The following WASHC5 variants were observed in gnomAD, a reference collection of about 807,000 sequenced individuals.
WASHC5 encodes WASH complex subunit 5, also known as WASH complex subunit strumpellin.
Under a neutral mutation model 150.4 loss-of-function variants are expected in WASHC5, and 101 were observed. That is an observed-to-expected ratio of 0.67 (90% CI 0.57 to 0.79). The LOEUF (loss-of-function observed/expected upper bound fraction) is 0.79. Ranked by LOEUF, WASHC5 falls within the 30% of genes least tolerant of loss-of-function variation. The pLI is 0.00. For missense variants in WASHC5, 1,195 were observed against 1,396.3 expected, an observed-to-expected ratio of 0.86 and a Z score of 2.30; for synonymous variants, 467 against 491.2, an observed-to-expected ratio of 0.95 and a Z score of 0.65.
chr8:125,087,910 A>G (rs1488795893), intron 1 of WASHC5, among the ~76,000 whole-genome samples: 1 of 152,176 alleles, frequency 6.6e-6, no homozygotes, highest in African/African-American at 2.4e-5. Context: ...AATGAGCTTT[A>G]TATATTAGGC....
rs1563636568 is a variant in WASHC5 at position 125,082,387 on chromosome 8, A to C, written c.413T>G (p.Leu138Arg). 6.6e-7 allele frequency: 1 copy of C among 1,506,086 alleles called. No homozygotes were observed. The highest frequency in any genetic ancestry group is 9.2e-7 in the Non-Finnish European group (1 of 1,082,498). The allele number at this position is 1,506,086 out of a possible 1,614,324, so 93.3% of individuals were successfully genotyped here. A position where few individuals can be genotyped will look rare whatever the true frequency, so the allele number is the denominator to read the frequency against. ...TAAATAATCATTATTACTTACTAGA[A>C]GTTGTTTTCCATCTTCATTGAGAAG... ...TVLLNEDGKQ[L>R]LCEALYLYGV... Residue 138 changes from leucine to arginine, a missense_variant, in exon 4 of 29, where the codon CTT becomes CGT. By Grantham distance (102) the Leu-to-Arg change is moderately radical. Coordinates refer to ENST00000318410, the MANE Select transcript of WASHC5 (RefSeq NM_014846.4).
At position 125,039,916 on chromosome 8, in the gene WASHC5, A is replaced by G; in HGVS notation, c.2851-18T>C. On this transcript the variant is annotated intron_variant, in intron 23 of 28. Coordinates refer to ENST00000318410, the MANE Select transcript of WASHC5 (RefSeq NM_014846.4). ...TGCCCAACCTGTGCACAAGCAAGAG[A>G]AAGAACAGGTAGTGCATTCAAGCAT... The G allele has an allele frequency of 1.3e-6, 2 of 1,550,146 alleles. No homozygotes were observed. The highest frequency in any genetic ancestry group is 1.8e-6 in the Non-Finnish European group (2 of 1,123,616).
chr8:125,082,867 G>C, intron 3 of WASHC5: 1 of 407,004 alleles, frequency 2.5e-6, no homozygotes, highest in East Asian at 4.5e-5. Flanking sequence ...ATAAATAACA[G>C]GATTGGAAAC....
intron 27 of WASHC5, among the ~76,000 whole-genome samples, chr8:125,029,675 A>G (rs940357739): frequency 6.6e-6 from 1 of 152,208 alleles, no homozygotes; most frequent in Non-Finnish European, 1.5e-5. Flanking sequence ...ACTGTTCCAG[A>G]GCTGGGAATA....
At chr8:125,072,943 C>T (rs1181365053) in intron 9 of WASHC5, among the ~76,000 whole-genome samples, 1 of 152,084 alleles carries the variant, frequency 6.6e-6, no homozygotes, top group African/African-American at 2.4e-5. Context: ...CCTCTTATTC[C>T]CTAGCACCTA....
At chr8:125,032,175 T>A in intron 27 of WASHC5, 66 bp downstream of exon 27, 1 of 1,556,494 alleles carries the variant, frequency 6.4e-7, no homozygotes, top group Non-Finnish European at 8.9e-7. Flanking sequence ...AGGAATTTGG[T>A]AATGTGAGGT....
At chr8:125,061,057 C>T (rs374784545) in intron 12 of WASHC5, 25 bp downstream of exon 12, 1 of 1,325,866 alleles carries the variant, frequency 7.5e-7, no homozygotes, top group African/African-American at 1.4e-5. Context: ...ATCCAAGAAC[C>T]TGCATTTAAA....
chr8:125,053,462 T>C (rs1163080982), intron 17 of WASHC5, among the ~76,000 whole-genome samples: 2 of 152,210 alleles, frequency 1.3e-5, no homozygotes, highest in Non-Finnish European at 2.9e-5. Flanking sequence ...TTTTATTACA[T>C]CCTTCTTACA....
intron 5 of WASHC5, among the ~76,000 whole-genome samples, chr8:125,080,646 A>C (rs1817228047): frequency 6.6e-6 from 1 of 152,188 alleles, no homozygotes; most frequent in Admixed American, 6.5e-5. Context: ...CTGAATCTTG[A>C]CTATCTCCGA....
At chr8:125,071,610 C>G (rs1816897425) in intron 9 of WASHC5, among the ~76,000 whole-genome samples, 1 of 152,192 alleles carries the variant, frequency 6.6e-6, no homozygotes, top group Non-Finnish European at 1.5e-5. Context: ...ATGGGGTTTC[C>G]TGACCTCCTC....
chr8:125,032,588 G>A (rs947879328), intron 26 of WASHC5, 194 bp from the exon 27 acceptor site: 16 of 639,062 alleles, frequency 2.5e-5, no homozygotes, highest in South Asian at 7.2e-5. Flanking sequence ...GGGTCTGAAG[G>A]ATTCAAAACC....
chr8:125,087,067 T>C (rs555315113), intron 1 of WASHC5, among the ~76,000 whole-genome samples: 140 of 152,340 alleles, frequency 9.2e-4, no homozygotes, highest in African/African-American at 3.1e-3. Context: ...TTTAACATAT[T>C]GTATTGTTTT....
In WASHC5 at chr8:125,037,353, A is replaced by C; in HGVS notation, c.3085-20T>G. 3 of 1,367,734 alleles carry C rather than the reference A, an allele frequency of 2.2e-6. No homozygotes were observed. The allele number at this position is 1,367,734 out of a possible 1,614,324, so 84.7% of individuals were successfully genotyped here. ...GTATATCTGGAAAGAGAAAGGTAAGAAAAATAGATGGTTAAATCACATTGC... is the reference window on the plus strand; with the variant it reads ...GTATATCTGGAAAGAGAAAGGTAAGCAAAATAGATGGTTAAATCACATTGC... On this transcript the variant is annotated intron_variant, in intron 25 of 28. Transcript: ENST00000318410.
chr8:125,082,994 C>T (rs1817315896), intron 3 of WASHC5, 119 bp downstream of exon 3: 4 of 684,108 alleles, frequency 5.8e-6, no homozygotes, highest in South Asian at 1.9e-5. Flanking sequence ...CAACTATATA[C>T]AGTATAAACT....
At chr8:125,088,424 CAA>C (rs35452643) in intron 1 of WASHC5, among the ~76,000 whole-genome samples, 10 of 76,914 alleles carry the variant, frequency 1.3e-4, no homozygotes, top group Admixed American at 4.7e-4. Context: ...GACTTCATCT[CAA>C]AAAAAAAAAA....
intron 6 of WASHC5, among the ~76,000 whole-genome samples, chr8:125,078,288 C>T (rs536327583): frequency 6.6e-6 from 1 of 152,228 alleles, no homozygotes; most frequent in African/African-American, 2.4e-5. Context: ...TGTGACCTTG[C>T]TGCCACTGCT....
chr8:125,050,498 T>C lies in WASHC5; in HGVS notation c.2199+66A>G. ...GGTCTTGTTCGCGATAGGTTAAAAATGGCATTCTAGTCCATGCTGCAAGCT... is the reference window on the plus strand; with the variant it reads ...GGTCTTGTTCGCGATAGGTTAAAAACGGCATTCTAGTCCATGCTGCAAGCT... On this transcript the variant is annotated intron_variant, in intron 18 of 28. Coordinates refer to ENST00000318410, the MANE Select transcript of WASHC5 (RefSeq NM_014846.4). 8 of 1,091,106 alleles carry C rather than the reference T, an allele frequency of 7.3e-6. No individual in the cohort carries two copies. The Middle Eastern group carries it at 6.7e-4, about 92-fold the overall frequency. 67.6% of individuals were successfully genotyped at this position (1,091,106 alleles called of 1,614,324 possible).
intron 2 of WASHC5, 65 bp downstream of exon 2, chr8:125,083,648 G>A: frequency 1.5e-6 from 2 of 1,290,396 alleles, no homozygotes; most frequent in Non-Finnish European, 2.2e-6. Context: ...AGAGTTTCAT[G>A]GTTCCCAGAG....
chr8:125,063,402 T>G lies in WASHC5; in HGVS notation c.1408+120A>C, dbSNP rs80232838. 6,499 of 1,104,526 alleles carry G rather than the reference T, an allele frequency of 5.9e-3. 269 individuals carry two copies. In the African/African-American group the frequency reaches 0.09, roughly 15 times the overall value. The allele number at this position is 1,104,526 out of a possible 1,614,324, so 68.4% of individuals were successfully genotyped here. On this transcript the variant is annotated intron_variant, in intron 11 of 28. Transcript: ENST00000318410. Reference sequence around the variant, plus strand: ...AGATCTTTATTAGCAACACTAAAGATGGAATATCATAGGATACAATAATGA... The same window carrying G: ...AGATCTTTATTAGCAACACTAAAGAGGGAATATCATAGGATACAATAATGA...
Sources: allele counts gnomAD v4.1 joint callset (sites outside exome capture counted in the v4.1 genomes callset), GRCh38; gene constraint gnomAD v4.1.1; transcripts MANE v1.5; gene names NCBI Gene and HGNC (gene_info 2026-07-23, HGNC 2026-07-21).